Variants in PTPRN2 observed in about 807,000 individuals in gnomAD.
PTPRN2 encodes receptor-type tyrosine-protein phosphatase N2.
PTPRN2 carries 74 observed loss-of-function variants against 118.8 expected under a neutral mutation model. The ratio of observed to expected loss-of-function variants is 0.62; its 90% CI spans 0.52 to 0.76. PTPRN2 has a LOEUF of 0.76. Ranked by LOEUF, PTPRN2 falls within the 30% of genes least tolerant of loss-of-function variation. The pLI is 0.00. For synonymous variants in PTPRN2, 641 were observed against 608.0 expected, an observed-to-expected ratio of 1.05 and a Z score of -0.80; for missense variants, 1,481 against 1,394.4, an observed-to-expected ratio of 1.06 and a Z score of -0.99.
At chr7:158,545,319 A>T (rs1005001473) in intron 1 of PTPRN2, among the ~76,000 whole-genome samples, 3 of 152,242 alleles carry the variant, frequency 2.0e-5, no homozygotes, top group Non-Finnish European at 4.4e-5. Flanking sequence ...AACGTCACAC[A>T]TGCAGGGACC....
chr7:158,193,973 C>T (rs575684148), intron 4 of PTPRN2, among the ~76,000 whole-genome samples: 1 of 151,222 alleles, frequency 6.6e-6, no homozygotes, highest in African/African-American at 2.4e-5. Flanking sequence ...ATAATCCTGG[C>T]ACTTTGGGAA....
At chr7:158,383,967 C>A (rs1292777711) in intron 2 of PTPRN2, among the ~76,000 whole-genome samples, 3 of 152,240 alleles carry the variant, frequency 2.0e-5, no homozygotes, top group Admixed American at 2.0e-4. Flanking sequence ...GAGTCCTTGG[C>A]TTGAAAATGC....
At chr7:158,516,651 T>C (rs966603450) in intron 1 of PTPRN2, among the ~76,000 whole-genome samples, 3 of 151,640 alleles carry the variant, frequency 2.0e-5, no homozygotes, top group Admixed American at 2.0e-4. Context: ...TGCTCCTGCC[T>C]ATTGTTCTTG....
chr7:158,364,416 A>G (rs1179596265), intron 2 of PTPRN2, among the ~76,000 whole-genome samples: 3 of 151,754 alleles, frequency 2.0e-5, no homozygotes, highest in Non-Finnish European at 4.4e-5. Context: ...TGCTTCCCAC[A>G]GCAGGGTATG....
At chr7:158,439,515 AGAG>A (rs1456879765) in intron 2 of PTPRN2, among the ~76,000 whole-genome samples, 4 of 152,178 alleles carry the variant, frequency 2.6e-5, no homozygotes, top group South Asian at 2.1e-4. Context: ...GAGAAGAAGA[AGAG>A]GAGAAGGAGT....
At chr7:157,992,377 G>A (rs574321102) in intron 11 of PTPRN2, among the ~76,000 whole-genome samples, 3 of 152,242 alleles carry the variant, frequency 2.0e-5, no homozygotes, top group Non-Finnish European at 2.9e-5. Context: ...CCATGGCCAC[G>A]GAGTCCCTTG....
At chr7:157,803,801 T>C (rs1008897273) in intron 12 of PTPRN2, among the ~76,000 whole-genome samples, 4 of 152,226 alleles carry the variant, frequency 2.6e-5, no homozygotes, top group Non-Finnish European at 5.9e-5. Flanking sequence ...CAGTAGTGTA[T>C]TGTTTTAATA....
chr7:158,004,319 G>A (rs536365187), intron 11 of PTPRN2, among the ~76,000 whole-genome samples: 60 of 152,228 alleles, frequency 3.9e-4, no homozygotes, highest in African/African-American at 1.4e-3. Context: ...AATGGCACCC[G>A]AATTTTATTC....
At position 157,582,484 on chromosome 7, in the gene PTPRN2, C is replaced by T. The variant is rs568664050; in HGVS notation, c.2497-4344G>A. Among the ~76,000 whole-genome samples, 49 of 151,972 alleles carry T rather than the reference C, an allele frequency of 3.2e-4. 1 individual carries two copies. The highest frequency in any genetic ancestry group is 2.1e-3 in the South Asian group (10 of 4,788). On this transcript the variant is annotated intron_variant, in intron 17 of 22. Transcript: ENST00000389418. ...TCGTGCCTGTTGGGATGGCTGCCAC[C>T]GAAAAGAGGGGGATGGCAAGTGTTG...
At chr7:157,733,845 T>C (rs1396205337) in intron 12 of PTPRN2, among the ~76,000 whole-genome samples, 1 of 36,908 alleles carries the variant, frequency 2.7e-5, no homozygotes, top group Non-Finnish European at 5.4e-5. Flanking sequence ...CAGTTACTCT[T>C]CCGTCCCATG....
chr7:158,394,964 C>T (rs1412942665), intron 2 of PTPRN2, among the ~76,000 whole-genome samples: 1 of 152,228 alleles, frequency 6.6e-6, no homozygotes, highest in South Asian at 2.1e-4. Flanking sequence ...GGCACCCCAG[C>T]CAGCACTCAG....
chr7:158,261,638 A>T (rs1405500577), intron 3 of PTPRN2, among the ~76,000 whole-genome samples: 1 of 152,106 alleles, frequency 6.6e-6, no homozygotes, highest in Admixed American at 6.5e-5. Context: ...CACGAAGAGG[A>T]TAAAACAGCA....
At chr7:157,741,604 C>A (rs1468606795) in intron 12 of PTPRN2, among the ~76,000 whole-genome samples, 5 of 152,224 alleles carry the variant, frequency 3.3e-5, no homozygotes, top group Non-Finnish European at 7.3e-5. Context: ...AAGCAAGACC[C>A]GTCCACATGA....
intron 10 of PTPRN2, among the ~76,000 whole-genome samples, chr7:158,107,979 C>T (rs1022939400): frequency 6.6e-6 from 1 of 151,930 alleles, no homozygotes; most frequent in Non-Finnish European, 1.5e-5. Context: ...CCCTCCCTCA[C>T]CTGGATCTCT....
chr7:157,923,262 G>A (rs1798786239), intron 11 of PTPRN2, among the ~76,000 whole-genome samples: 1 of 152,222 alleles, frequency 6.6e-6, no homozygotes, highest in African/African-American at 2.4e-5. Flanking sequence ...GCCAGTCAGT[G>A]CAGGTGAGGT....
chr7:158,459,837 T>TGTCCGGAAATGAAAACTC, intron 2 of PTPRN2, among the ~76,000 whole-genome samples: 2 of 135,864 alleles, frequency 1.5e-5, no homozygotes, highest in South Asian at 4.8e-4. Flanking sequence ...GTCATCCAGC[T>TGTCCGGAAATGAAAACTC]ACAGGATGGG....
chr7:158,242,037 T>C (rs541553476), intron 3 of PTPRN2, among the ~76,000 whole-genome samples: 52 of 152,336 alleles, frequency 3.4e-4, no homozygotes, highest in African/African-American at 1.1e-3. Flanking sequence ...CTTCTGTTAT[T>C]GTCCAAATCT....
intron 11 of PTPRN2, among the ~76,000 whole-genome samples, chr7:157,939,187 A>G (rs1424224743): frequency 6.6e-6 from 1 of 152,228 alleles, no homozygotes; most frequent in East Asian, 1.9e-4. Flanking sequence ...ATTCTGAATT[A>G]CAGTCAGATA....
intron 2 of PTPRN2, among the ~76,000 whole-genome samples, chr7:158,484,399 G>A (rs1586775750): frequency 1.3e-5 from 2 of 152,174 alleles, no homozygotes; most frequent in South Asian, 2.1e-4. Context: ...GTCTCACTCT[G>A]TTGCTCAGAC....
Sources: allele counts gnomAD v4.1 joint callset (sites outside exome capture counted in the v4.1 genomes callset), GRCh38; gene constraint gnomAD v4.1.1; transcripts MANE v1.5; gene names NCBI Gene and HGNC (gene_info 2026-07-23, HGNC 2026-07-21).